FOXN3: variants seen among roughly 807,000 people sequenced by gnomAD.
The protein encoded by FOXN3 is forkhead box protein N3.
In FOXN3, 7 loss-of-function variants were observed where a neutral mutation model predicts 38.4. The observed-to-expected ratio is 0.18, with a 90% CI of 0.10 to 0.34. FOXN3 has a LOEUF of 0.34. Among genes scored for constraint, FOXN3 ranks in the 10% least tolerant of loss-of-function variants. The pLI, the probability that FOXN3 is intolerant of heterozygous loss-of-function variation, is 1.00. For synonymous variants in FOXN3, 230 were observed against 242.2 expected (o/e 0.95, Z 0.47); for missense variants, 456 against 613.4 (o/e 0.74, Z 2.71).
At chr14:89,417,657 GTAAAAA>G (rs1426026807), upstream of FOXN3, 3 of 455,774 alleles carry the variant, frequency 6.6e-6, no homozygotes, top group Non-Finnish European at 1.3e-5. Flanking sequence ...TGGCTCGAAA[GTAAAAA>G]TAAAAAGAAT....
chr14:89,383,797 A>AT (rs11424163), intron 2 of FOXN3, among the ~76,000 whole-genome samples: 119,914 of 148,678 alleles, frequency 0.81, 48,313 homozygotes, highest in South Asian at 0.87. Flanking sequence ...TTATGTATTC[A>AT]TTTTTTTTTT....
In FOXN3 at chr14:89,158,124, C is replaced by T. The variant is rs1474582068; in HGVS notation, c.*4290G>A. ...TTGTACGTAACTCCAATTCCTTCTC[C>T]AAGAGCCCTTCCAGGAGAGGCCCAA... On this transcript the variant is annotated 3_prime_UTR_variant, in exon 6 of 6. Coordinates refer to ENST00000557258, the MANE Select transcript of FOXN3 (RefSeq NM_005197.4). 1 of 152,272 alleles carries T rather than the reference C, an allele frequency of 6.6e-6. No homozygotes were observed. Among genetic ancestry groups the T allele is most frequent in the Non-Finnish European group, 1.5e-5 (1 of 68,074 alleles). The allele number at this position is 152,272 out of a possible 1,614,324, so 9.4% of individuals were successfully genotyped here.
At chr14:89,471,595 T>C (rs915761852) in intron 1 of FOXN3, among the ~76,000 whole-genome samples, 3 of 151,930 alleles carry the variant, frequency 2.0e-5, no homozygotes, top group African/African-American at 7.3e-5. Flanking sequence ...AAAAAAAGAC[T>C]TTAAAAAAAA....
At chr14:89,587,995 T>A (rs243179) in intron 1 of FOXN3, among the ~76,000 whole-genome samples, 30,569 of 151,790 alleles carry the variant, frequency 0.2, 3,891 homozygotes, top group East Asian at 0.42. Context: ...CCCCTCTAAA[T>A]CTCATGTCAA....
At chr14:89,406,738 A>G (rs1891398109) in intron 2 of FOXN3, among the ~76,000 whole-genome samples, 1 of 151,914 alleles carries the variant, frequency 6.6e-6, no homozygotes, top group Non-Finnish European at 1.5e-5. Flanking sequence ...AAACCCTTTG[A>G]TGACAATGTT....
chr14:89,512,611 G>A (rs1191631109), intron 1 of FOXN3, among the ~76,000 whole-genome samples: 2 of 152,232 alleles, frequency 1.3e-5, no homozygotes, highest in Non-Finnish European at 2.9e-5. Flanking sequence ...CCCGGTACGG[G>A]GAGGCCATCT....
intron 1 of FOXN3, among the ~76,000 whole-genome samples, chr14:89,543,959 T>C (rs1347587459): frequency 1.3e-5 from 2 of 152,174 alleles, no homozygotes; most frequent in East Asian, 3.8e-4. Context: ...GTTATGAAGA[T>C]GGAGCTTCGA....
intron 2 of FOXN3, among the ~76,000 whole-genome samples, chr14:89,385,425 T>C (rs188515147): frequency 2.3e-4 from 34 of 146,288 alleles, no homozygotes; most frequent in African/African-American, 7.3e-4. Flanking sequence ...TAATTAATTA[T>C]AGGTAAAGCC....
rs111988218 is a variant in FOXN3, at chr14:89,542,144, T to A, written c.-15+76884A>T. The stretch of plus-strand genomic sequence containing the variant: ...AGAGGAGGAACGCATCCACCCTAAG[T>A]ACAATACTTGTATATATGGGGAGAT... On this transcript the variant is annotated intron_variant, in intron 1 of 6. Coordinates refer to the FOXN3 transcript ENST00000345097. Among the ~76,000 whole-genome samples, 997 of 152,286 alleles carry A rather than the reference T, an allele frequency of 6.5e-3. 10 individuals carry two copies. The highest frequency in any genetic ancestry group is 0.022 in the African/African-American group (935 of 41,574).
rs759174017 is a variant in FOXN3, at chr14:89,187,485, G to A, written c.746-6679C>T. On this transcript the variant is annotated intron_variant, in intron 4 of 5. Transcript: ENST00000557258. ...CTGCCCACACACCATCACTGTGGCT[G>A]GCTGGCTGTTGCCTTTAACCATTTT... 1.6e-4 allele frequency among the ~76,000 whole-genome samples: 25 copies of A among 152,318 alleles called. 1 individual carries two copies. Among genetic ancestry groups the A allele is most frequent in the Middle Eastern group, 6.8e-3 (2 of 294 alleles).
intron 1 of FOXN3, among the ~76,000 whole-genome samples, chr14:89,605,892 AT>A (rs1382393108): frequency 6.6e-6 from 1 of 152,144 alleles, no homozygotes; most frequent in East Asian, 1.9e-4. Context: ...ACGCAGGAGG[AT>A]TCCTTGAGCC....
At chr14:89,183,384 C>A (rs1365873680) in intron 4 of FOXN3, among the ~76,000 whole-genome samples, 1 of 152,124 alleles carries the variant, frequency 6.6e-6, no homozygotes, top group Non-Finnish European at 1.5e-5. Context: ...CATATACAGT[C>A]ACTAAAACTT....
At chr14:89,555,880 T>TGTGTGTGTGTGTGGGGG (rs1183259048) in intron 1 of FOXN3, among the ~76,000 whole-genome samples, 1 of 99,616 alleles carries the variant, frequency 1.0e-5, no homozygotes, top group Admixed American at 1.2e-4. Context: ...TGTGTGTATG[T>TGTGTGTGTGTGTGGGGG]GGGGGTGTAT....
intron 1 of FOXN3, among the ~76,000 whole-genome samples, chr14:89,471,793 G>A (rs1046638861): frequency 1.3e-5 from 2 of 152,108 alleles, no homozygotes; most frequent in African/African-American, 2.4e-5. Flanking sequence ...TGTGTGACAC[G>A]TGTCACTACT....
chr14:89,516,258 G>T (rs1894200073), intron 1 of FOXN3, among the ~76,000 whole-genome samples: 1 of 152,106 alleles, frequency 6.6e-6, no homozygotes, highest in South Asian at 2.1e-4. Flanking sequence ...AAAAAAATGG[G>T]ATCTGGCTAA....
At chr14:89,399,700 G>A (rs1260731050) in intron 2 of FOXN3, among the ~76,000 whole-genome samples, 1 of 152,156 alleles carries the variant, frequency 6.6e-6, no homozygotes. Flanking sequence ...CTTCCTTCTG[G>A]AAGGGGGAGG....
intron 1 of FOXN3, among the ~76,000 whole-genome samples, chr14:89,460,524 G>A (rs926038130): frequency 2.0e-5 from 3 of 152,114 alleles, no homozygotes; most frequent in African/African-American, 4.8e-5. Context: ...TCACTCTGCC[G>A]GGGAGGAGGA....
chr14:89,349,918 C>T (rs1301496375), intron 3 of FOXN3, among the ~76,000 whole-genome samples: 2 of 152,132 alleles, frequency 1.3e-5, no homozygotes, highest in African/African-American at 2.4e-5. Flanking sequence ...CATTTCTATA[C>T]ATTTTTAAAT....
Position 89,267,116 on chromosome 14 carries a change from T to G in FOXN3, c.745+13834A>C, listed in dbSNP as rs563642767. Among the ~76,000 whole-genome samples the G allele has an allele frequency of 5.9e-4, 90 of 152,044 alleles. 1 individual carries two copies. The highest frequency in any genetic ancestry group is 2.6e-3 in the Admixed American group (39 of 15,268). ...AAAAAAGACAGGGAGATGAAAGAAA[T>G]GTGTTTCAAGCAGTTGAGGGGCAAT... On this transcript the variant is annotated intron_variant, in intron 4 of 5. Transcript: ENST00000557258.
Sources: allele counts gnomAD v4.1 joint callset (sites outside exome capture counted in the v4.1 genomes callset), GRCh38; gene constraint gnomAD v4.1.1; transcripts MANE v1.5; gene names NCBI Gene and HGNC (gene_info 2026-07-23, HGNC 2026-07-21).